Variants in SLC9A2 observed in about 807,000 individuals in gnomAD.
SLC9A2 encodes solute carrier family 9 member A2.
Under a neutral mutation model 71.7 loss-of-function variants are expected in SLC9A2, and 42 were observed. The ratio of observed to expected loss-of-function variants is 0.59; its 90% CI spans 0.46 to 0.76. SLC9A2 has a LOEUF of 0.76. Among genes scored for constraint, SLC9A2 ranks in the 30% least tolerant of loss-of-function variants. The probability of loss-of-function intolerance (pLI) is 0.00; values close to 1 mark genes in which losing one functional copy is unlikely to be tolerated. For missense variants in SLC9A2, 829 were observed against 1,017.4 expected (o/e 0.81, Z 2.52); for synonymous variants, 396 against 392.5 (o/e 1.01, Z -0.10).
intron 1 of SLC9A2, among the ~76,000 whole-genome samples, chr2:102,641,286 C>G (rs1265838619): frequency 1.3e-5 from 2 of 152,140 alleles, no homozygotes; most frequent in Non-Finnish European, 2.9e-5. Flanking sequence ...GTAAACGTCT[C>G]AAATGAAAAG....
At chr2:102,636,373 C>T (rs187588599) in intron 1 of SLC9A2, among the ~76,000 whole-genome samples, 1 of 152,178 alleles carries the variant, frequency 6.6e-6, no homozygotes, top group Admixed American at 6.5e-5. Context: ...CTGGTGAATG[C>T]AGTTAAGTGT....
At position 102,619,562 on chromosome 2, in the gene SLC9A2, C is replaced by T. The variant is rs1676089389; in HGVS notation, c.-287C>T. 1 of 242,274 alleles carries T rather than the reference C, an allele frequency of 4.1e-6. No individual in the cohort carries two copies. The highest frequency in any genetic ancestry group is 7.9e-5 in the East Asian group (1 of 12,720). The allele number at this position is 242,274 out of a possible 1,614,324, so 15.0% of individuals were successfully genotyped here. ...GCCTGCCGCTGCGGCTGGAGAGCAG[C>T]GCACCGGCATGGGCAGGCGGCCGGC... On this transcript the variant is annotated 5_prime_UTR_variant, in exon 1 of 12. Coordinates refer to ENST00000233969, the MANE Select transcript of SLC9A2 (RefSeq NM_003048.6). The surrounding 1 kb of genome is among the most constrained non-coding windows in gnomAD (Gnocchi z 4.3).
intron 1 of SLC9A2, among the ~76,000 whole-genome samples, chr2:102,650,716 C>T (rs926086938): frequency 2.2e-4 from 33 of 152,042 alleles, no homozygotes; most frequent in African/African-American, 7.0e-4. Flanking sequence ...CATGTACCTC[C>T]GTACATCATT....
At position 102,683,492 on chromosome 2, in the gene SLC9A2, G is replaced by T; in HGVS notation, c.1222+14G>T. 2 of 1,602,360 alleles carry T rather than the reference G, an allele frequency of 1.2e-6. No homozygotes were observed. Among genetic ancestry groups the T allele is most frequent in the South Asian group, 2.2e-5 (2 of 90,772 alleles). On this transcript the variant is annotated intron_variant, in intron 4 of 11. Transcript: ENST00000233969. Reference sequence around the variant, plus strand: ...GGCGAGCCCTGGGTAATGAGTGCTTGTTTGCTAACTGGACATATGTAACAC... The same window carrying T: ...GGCGAGCCCTGGGTAATGAGTGCTTTTTTGCTAACTGGACATATGTAACAC...
At chr2:102,628,241 A>G (rs1168199385) in intron 1 of SLC9A2, among the ~76,000 whole-genome samples, 2 of 152,198 alleles carry the variant, frequency 1.3e-5, no homozygotes, top group African/African-American at 4.8e-5. Flanking sequence ...TGCAAATGAC[A>G]TATCAGTTTC....
At chr2:102,644,740 C>T (rs941851837) in intron 1 of SLC9A2, among the ~76,000 whole-genome samples, 1 of 152,152 alleles carries the variant, frequency 6.6e-6, no homozygotes, top group Non-Finnish European at 1.5e-5. Flanking sequence ...GGACAGGCTG[C>T]CTTTCTAGAT....
At chr2:102,701,969 T>C (rs1053936858) in intron 8 of SLC9A2, among the ~76,000 whole-genome samples, 11 of 152,236 alleles carry the variant, frequency 7.2e-5, no homozygotes, top group African/African-American at 2.4e-4. Context: ...CAAATGAGGA[T>C]TGACTGGATA....
At chr2:102,633,143 C>CG (rs1462663194) in intron 1 of SLC9A2, among the ~76,000 whole-genome samples, 1 of 152,106 alleles carries the variant, frequency 6.6e-6, no homozygotes, top group Non-Finnish European at 1.5e-5. Context: ...TTGAGCCAAG[C>CG]GCTTTACATT....
chr2:102,700,061 T>C (rs2104553067), intron 7 of SLC9A2, among the ~76,000 whole-genome samples: 1 of 152,276 alleles, frequency 6.6e-6, no homozygotes, highest in South Asian at 2.1e-4. Context: ...ATTCAGCCCA[T>C]AACATAGAAC....
chr2:102,646,982 C>T (rs1676738940), intron 1 of SLC9A2, among the ~76,000 whole-genome samples: 1 of 152,012 alleles, frequency 6.6e-6, no homozygotes, highest in Admixed American at 6.6e-5. Flanking sequence ...ATATGGAACT[C>T]TCCACCCCAA....
chr2:102,636,330 CAG>C (rs771310474), intron 1 of SLC9A2, among the ~76,000 whole-genome samples: 4 of 152,198 alleles, frequency 2.6e-5, no homozygotes, highest in Non-Finnish European at 5.9e-5. Context: ...CCTGAGCCAA[CAG>C]TGTGCAAATA....
intron 1 of SLC9A2, 94 bp downstream of exon 1, chr2:102,620,231 ACCG>A: frequency 9.2e-7 from 1 of 1,081,224 alleles, no homozygotes; most frequent in Admixed American, 2.6e-5. Context: ...CTAGATAGTG[ACCG>A]CCTCATCTTG....
chr2:102,668,270 C>T (rs558842491), intron 3 of SLC9A2, among the ~76,000 whole-genome samples: 83 of 152,220 alleles, frequency 5.5e-4, no homozygotes, highest in Middle Eastern at 3.4e-3. Flanking sequence ...AGAAGTTATA[C>T]CCTCTTTTCT....
intron 4 of SLC9A2, 54 bp downstream of exon 4, chr2:102,683,532 GGGCTTTCCTTTT>G: frequency 7.3e-7 from 1 of 1,366,550 alleles, no homozygotes; most frequent in South Asian, 1.2e-5. Flanking sequence ...TAATTGAATG[GGGCTTTCCTTTT>G]GTCATTCCCT....
chr2:102,709,170 T>G lies in SLC9A2; in HGVS notation c.*681T>G, dbSNP rs185260366. On this transcript the variant is annotated 3_prime_UTR_variant, in exon 12 of 12. Coordinates refer to ENST00000233969, the MANE Select transcript of SLC9A2 (RefSeq NM_003048.6). ...TCTACTGGTTTTTAACTTGTTCCTC[T>G]GTCTACTGTGTGTTTGGGGGTGACA... The G allele has an allele frequency of 3.9e-5, 6 of 152,608 alleles. No individual in the cohort carries two copies. The highest frequency in any genetic ancestry group is 2.6e-4 in the Admixed American group (4 of 15,314). 9.5% of individuals were successfully genotyped at this position (152,608 alleles called of 1,614,324 possible). A position where few individuals can be genotyped will look rare whatever the true frequency, so the allele number is the denominator to read the frequency against.
chr2:102,661,415 C>T (rs1677047341), intron 2 of SLC9A2, among the ~76,000 whole-genome samples: 1 of 152,100 alleles, frequency 6.6e-6, no homozygotes. Context: ...TAAGCAGTGA[C>T]CACTTGGATC....
At chr2:102,641,606 T>A (rs72997645) in intron 1 of SLC9A2, among the ~76,000 whole-genome samples, 1 of 151,798 alleles carries the variant, frequency 6.6e-6, no homozygotes, top group Non-Finnish European at 1.5e-5. Flanking sequence ...CCCTGCCATG[T>A]AATTGTGTTG....
chr2:102,674,390 C>A (rs1230464839), intron 3 of SLC9A2, among the ~76,000 whole-genome samples: 1 of 152,144 alleles, frequency 6.6e-6, no homozygotes. Flanking sequence ...AACCCCAGGC[C>A]CTCCTGTGTT....
In SLC9A2 at chr2:102,679,301, C is replaced by T. The variant is rs115136290; in HGVS notation, c.1005-3960C>T. ...CACTCTTGGTATCGTGTTAAGGATA[C>T]AAAGCAATGGAAAATGATCCCATGG... On this transcript the variant is annotated intron_variant, in intron 3 of 11. Transcript: ENST00000233969. Among the ~76,000 whole-genome samples, 1,259 of 152,010 alleles carry T rather than the reference C, an allele frequency of 8.3e-3. 18 individuals carry two copies. The highest frequency in any genetic ancestry group is 0.028 in the African/African-American group (1,152 of 41,462).
Sources: allele counts gnomAD v4.1 joint callset (sites outside exome capture counted in the v4.1 genomes callset), GRCh38; gene constraint gnomAD v4.1.1; non-coding constraint Gnocchi (gnomAD v3.1); transcripts MANE v1.5; gene names NCBI Gene and HGNC (gene_info 2026-07-23, HGNC 2026-07-21).